TNIP2: variants seen among roughly 807,000 people sequenced by gnomAD.
TNIP2 encodes TNFAIP3 interacting protein 2.
In TNIP2, 30 loss-of-function variants were observed where a neutral mutation model predicts 43.7. The observed-to-expected ratio is 0.69, with a 90% CI of 0.51 to 0.93. TNIP2 has a LOEUF of 0.93. Among genes scored for constraint, TNIP2 ranks in the 40% least tolerant of loss-of-function variants. TNIP2 has a pLI of 0.00. For missense variants in TNIP2, 599 were observed against 591.0 expected, an observed-to-expected ratio of 1.01 and a Z score of -0.14; for synonymous variants, 260 against 254.6, an observed-to-expected ratio of 1.02 and a Z score of -0.20.
intron 1 of TNIP2, among the ~76,000 whole-genome samples, chr4:2,753,391 G>A (rs1253232270): frequency 1.3e-5 from 2 of 152,220 alleles, no homozygotes; most frequent in Admixed American, 6.5e-5. Context: ...AGTGAGCCAT[G>A]TTTGTGCCAC....
intron 1 of TNIP2, among the ~76,000 whole-genome samples, chr4:2,751,773 A>AGAGGG (rs1004643063): frequency 1.3e-5 from 2 of 150,884 alleles, no homozygotes; most frequent in East Asian, 3.9e-4. Flanking sequence ...CCTGTCAAAA[A>AGAGGG]GAGGGGAGGG....
chr4:2,755,230 C>A (rs1722199337), intron 1 of TNIP2, among the ~76,000 whole-genome samples: 1 of 151,876 alleles, frequency 6.6e-6, no homozygotes, highest in African/African-American at 2.4e-5. Context: ...GTCTCCCGCA[C>A]ACACACCTCA....
rs755530753 is a variant in TNIP2 at position 2,744,739 on chromosome 4, G to T, written c.864C>A (p.Ala288=). ...GCACCCGCTCCAACGCAGCATCCCGGGCCGTCCTGGAGGCCGCCAGCTCCT... is the reference window on the plus strand; with the variant it reads ...GCACCCGCTCCAACGCAGCATCCCGTGCCGTCCTGGAGGCCGCCAGCTCCT... The part of the protein sequence containing the change: ...VKQELAASRT[A]RDAALERVQM... The change falls in exon 4 of 6, where the codon GCC becomes GCA. Residue 288 remains alanine (A), a synonymous_variant. Transcript: ENST00000315423. The surrounding 1 kb of genome is among the most constrained non-coding windows in gnomAD (Gnocchi z 5.1). 6.2e-7 allele frequency: 1 copy of T among 1,607,072 alleles called. No homozygotes were observed. The highest frequency in any genetic ancestry group is 8.5e-7 in the Non-Finnish European group (1 of 1,179,998).
intron 1 of TNIP2, among the ~76,000 whole-genome samples, chr4:2,749,962 C>T (rs1722059797): frequency 6.6e-6 from 1 of 152,148 alleles, no homozygotes; most frequent in Admixed American, 6.6e-5. Flanking sequence ...AAGTGCATGC[C>T]ACCGTACCTG....
intron 1 of TNIP2, 199 bp downstream of exon 1, chr4:2,755,814 AC>A: frequency 4.6e-6 from 1 of 217,936 alleles, no homozygotes. Context: ...GGGCCCCCTC[AC>A]CCCCAGGACC....
At position 2,744,457 on chromosome 4, in the gene TNIP2, C is replaced by T. The variant is rs754838186; in HGVS notation, c.956G>A (p.Arg319Gln). The change falls in exon 5 of 6, where the codon CGG (arginine) becomes CAG (glutamine). Residue 319 changes from arginine to glutamine, a missense_variant. Physicochemically the swap from Arg to Gln is conservative, Grantham distance 43. Coordinates refer to ENST00000315423, the MANE Select transcript of TNIP2 (RefSeq NM_024309.4). The surrounding 1 kb of genome is among the most constrained non-coding windows in gnomAD (Gnocchi z 5.1). ...CAGTTCTTGAATCCTACTTTGAGCC[C>T]GTTCCCGATCGGCCCTTTCTGACAT... ...DFMSERADRE[R>Q]AQSRIQELEE... 21 of 1,614,108 alleles carry T rather than the reference C, an allele frequency of 1.3e-5. No individual in the cohort carries two copies. The highest frequency in any genetic ancestry group is 3.3e-5 in the Admixed American group (2 of 60,008).
intron 2 of TNIP2, among the ~76,000 whole-genome samples, 194 bp from the exon 3 acceptor site, chr4:2,745,729 C>T (rs1721930028): frequency 6.6e-6 from 1 of 152,258 alleles, no homozygotes; most frequent in African/African-American, 2.4e-5. Context: ...CCACCTGGCC[C>T]AGGCCAGAGC....
At chr4:2,751,080 C>T (rs376462419) in intron 1 of TNIP2, among the ~76,000 whole-genome samples, 31 of 152,356 alleles carry the variant, frequency 2.0e-4, no homozygotes, top group African/African-American at 6.3e-4. Context: ...ATCCTCCCCT[C>T]GGCAGCATGA....
At chr4:2,752,865 G>A (rs539484591) in intron 1 of TNIP2, among the ~76,000 whole-genome samples, 1 of 152,062 alleles carries the variant, frequency 6.6e-6, no homozygotes, top group Non-Finnish European at 1.5e-5. Context: ...GCAACATCAT[G>A]CGACCCCTTC....
chr4:2,745,386 C>G, intron 3 of TNIP2, 60 bp downstream of exon 3: 1 of 1,300,866 alleles, frequency 7.7e-7, no homozygotes, highest in Non-Finnish European at 1.1e-6. Context: ...AAGGAAAGAA[C>G]CCTCACTTAC....
chr4:2,754,307 G>A (rs1722171221), intron 1 of TNIP2, among the ~76,000 whole-genome samples: 1 of 152,184 alleles, frequency 6.6e-6, no homozygotes, highest in Non-Finnish European at 1.5e-5. Context: ...AAATACTATT[G>A]CACAAAAAAA....
chr4:2,748,927 A>G (rs1007113240), intron 1 of TNIP2, among the ~76,000 whole-genome samples: 13 of 151,846 alleles, frequency 8.6e-5, no homozygotes, highest in Non-Finnish European at 1.2e-4. Context: ...AGTAGCTGGG[A>G]CTACAGGCAC....
chr4:2,751,945 G>T (rs1322595993), intron 1 of TNIP2, among the ~76,000 whole-genome samples: 3 of 148,416 alleles, frequency 2.0e-5, no homozygotes, highest in Admixed American at 1.3e-4. Context: ...CTCTACTAAA[G>T]ATACAAAAAA....
chr4:2,749,749 C>T (rs1722054736), intron 1 of TNIP2, among the ~76,000 whole-genome samples: 1 of 152,166 alleles, frequency 6.6e-6, no homozygotes, highest in African/African-American at 2.4e-5. Flanking sequence ...TTTGTTACAG[C>T]AGCTCTAGGA....
At position 2,744,034 on chromosome 4, in the gene TNIP2, C is replaced by T. The variant is rs1441882949; in HGVS notation, c.1026+353G>A. On this transcript the variant is annotated intron_variant, in intron 5 of 5. Coordinates refer to ENST00000315423, the MANE Select transcript of TNIP2 (RefSeq NM_024309.4). The surrounding 1 kb of genome is among the most constrained non-coding windows in gnomAD (Gnocchi z 5.1). ...CATCACATCTACATGACAAGGTAAG[C>T]GGGGTTCCCGTCTCACAGACAGGTC... 6.6e-6 allele frequency among the ~76,000 whole-genome samples: 1 copy of T among 152,200 alleles called. No individual in the cohort carries two copies. Among genetic ancestry groups the T allele is most frequent in the African/African-American group, 2.4e-5 (1 of 41,448 alleles).
At chr4:2,755,880 G>C in intron 1 of TNIP2, 134 bp downstream of exon 1, 3 of 1,163,670 alleles carry the variant, frequency 2.6e-6, no homozygotes, top group Non-Finnish European at 3.3e-6. Flanking sequence ...CAGGACCCGA[G>C]GCCAACTCAA....
intron 1 of TNIP2, among the ~76,000 whole-genome samples, chr4:2,748,435 G>C (rs1431773890): frequency 1.3e-5 from 2 of 152,118 alleles, no homozygotes; most frequent in Non-Finnish European, 2.9e-5. Flanking sequence ...CTCCGCCTCA[G>C]AGGTTCACAC....
chr4:2,750,292 G>C (rs939335449), intron 1 of TNIP2, among the ~76,000 whole-genome samples: 4 of 152,092 alleles, frequency 2.6e-5, no homozygotes, highest in African/African-American at 9.7e-5. Flanking sequence ...GAAGGGTCCA[G>C]CCTCTGTGTC....
At chr4:2,752,355 G>C (rs1456089071) in intron 1 of TNIP2, among the ~76,000 whole-genome samples, 1 of 152,178 alleles carries the variant, frequency 6.6e-6, no homozygotes, top group East Asian at 1.9e-4. Context: ...GCTTTGTAAA[G>C]TTATCCACTC....
Sources: allele counts gnomAD v4.1 joint callset (sites outside exome capture counted in the v4.1 genomes callset), GRCh38; gene constraint gnomAD v4.1.1; non-coding constraint Gnocchi (gnomAD v3.1); transcripts MANE v1.5; gene names NCBI Gene and HGNC (gene_info 2026-07-23, HGNC 2026-07-21).